Variants in TRMT44 observed in about 807,000 individuals in gnomAD.
TRMT44 encodes the protein probable tRNA (uracil-O(2)-)-methyltransferase.
TRMT44 carries 78 observed loss-of-function variants against 77.3 expected under a neutral mutation model. The ratio of observed to expected loss-of-function variants is 1.01; its 90% CI spans 0.84 to 1.22. The LOEUF (loss-of-function observed/expected upper bound fraction) is 1.22, where lower values mean the gene tolerates loss of function less well. Among genes scored for constraint, TRMT44 ranks in the 50% most tolerant of loss-of-function variants. TRMT44 has a pLI of 0.00. For missense variants in TRMT44, 1,090 were observed against 964.4 expected (o/e 1.13, Z -1.73); for synonymous variants, 391 against 383.3 (o/e 1.02, Z -0.23).
chr4:8,449,961 T>TTTC, intron 3 of TRMT44, 73 bp downstream of exon 3: 3 of 791,762 alleles, frequency 3.8e-6, no homozygotes, highest in South Asian at 2.3e-5. Flanking sequence ...TTTTTTTTTT[T>TTTC]TTTTTTTTTT....
At chr4:8,501,121 G>A in the TRMT44 span, among the ~76,000 whole-genome samples, 24 of 152,232 alleles carry the variant, frequency 1.6e-4, no homozygotes, top group Non-Finnish European at 2.4e-4. The surrounding 1 kb of genome is among the most constrained non-coding windows in gnomAD (Gnocchi z 4.4). Context: ...TCGTGCCACT[G>A]CTCAGTGGAT....
At chr4:8,502,464 G>C in the TRMT44 span, among the ~76,000 whole-genome samples, 3 of 152,232 alleles carry the variant, frequency 2.0e-5, no homozygotes, top group South Asian at 6.2e-4. Context: ...AAGTGTGAGT[G>C]CAGCTTAGCA....
At chr4:8,495,149 G>A (rs1728115371), downstream of TRMT44, among the ~76,000 whole-genome samples, 1 of 152,192 alleles carries the variant, frequency 6.6e-6, no homozygotes. Context: ...TTAGGGTAGG[G>A]AGACTGTTCA....
chr4:8,450,001 C>G (rs551535320), intron 3 of TRMT44, 113 bp downstream of exon 3: 6 of 598,654 alleles, frequency 1.0e-5, no homozygotes, highest in African/African-American at 2.4e-5. Flanking sequence ...GTCACCCCCC[C>G]AAAAAAAAGG....
At chr4:8,472,896 C>T (rs541955271) in intron 10 of TRMT44, among the ~76,000 whole-genome samples, 8 of 152,326 alleles carry the variant, frequency 5.3e-5, no homozygotes, top group African/African-American at 1.9e-4. Flanking sequence ...TCTTTCCCAA[C>T]ACTTGTTTTT....
the TRMT44 span, among the ~76,000 whole-genome samples, chr4:8,504,677 C>T: frequency 6.6e-5 from 10 of 152,174 alleles, no homozygotes; most frequent in Non-Finnish European, 1.3e-4. The surrounding 1 kb of genome is among the most constrained non-coding windows in gnomAD (Gnocchi z 5.3). Flanking sequence ...GAAGAGGGCA[C>T]TGAAGCTTGG....
rs1307102704 is a variant in TRMT44 at position 8,467,960 on chromosome 4, C to CTT, written c.1542_1543dup (p.Ser515PhefsTer19). 6.2e-7 allele frequency: 1 copy of CTT among 1,613,840 alleles called. No homozygotes were observed. Among genetic ancestry groups the CTT allele is most frequent in the Non-Finnish European group, 8.5e-7 (1 of 1,179,794 alleles). On this transcript the variant is annotated frameshift_variant, in exon 9 of 11. Transcript: ENST00000389737. LOFTEE classifies it high-confidence loss of function. The stretch of plus-strand genomic sequence containing the variant: ...AGAACATACCCTTCCTCCAGAGAAG[C>CTT]TTCCGTGGATGAAAAGAGGACTCAG...
the TRMT44 span, among the ~76,000 whole-genome samples, chr4:8,504,591 T>A: frequency 6.6e-6 from 1 of 152,164 alleles, no homozygotes; most frequent in Non-Finnish European, 1.5e-5. The surrounding 1 kb of genome is among the most constrained non-coding windows in gnomAD (Gnocchi z 5.3). Flanking sequence ...GGTGTGGACC[T>A]GCGCCAAGTC....
chr4:8,465,305 G>A (rs539718170), intron 7 of TRMT44, 73 bp from the exon 8 acceptor site: 31 of 1,449,160 alleles, frequency 2.1e-5, no homozygotes, highest in Non-Finnish European at 2.6e-5. Flanking sequence ...ATTGCCGTGT[G>A]GCTTTGTTCC....
the TRMT44 span, among the ~76,000 whole-genome samples, chr4:8,515,072 C>G: frequency 6.6e-6 from 1 of 152,166 alleles, no homozygotes; most frequent in African/African-American, 2.4e-5. Flanking sequence ...CTCAAGTGAT[C>G]GTCCTAACTC....
intron 9 of TRMT44, among the ~76,000 whole-genome samples, chr4:8,469,540 C>T (rs1222401607): frequency 6.6e-6 from 1 of 152,210 alleles, no homozygotes; most frequent in African/African-American, 2.4e-5. Flanking sequence ...ATGACGGGCA[C>T]ACAGATGTCA....
At chr4:8,483,977 G>A (rs1475223592) in intron 2 of TRMT44, among the ~76,000 whole-genome samples, 1 of 152,080 alleles carries the variant, frequency 6.6e-6, no homozygotes, top group East Asian at 1.9e-4. Context: ...GGAAGGGAGG[G>A]GGCCTGAATA....
At chr4:8,468,840 C>T (rs958393954) in intron 9 of TRMT44, among the ~76,000 whole-genome samples, 12 of 152,180 alleles carry the variant, frequency 7.9e-5, no homozygotes, top group African/African-American at 2.7e-4. Context: ...ATTATGTTCT[C>T]AGGTGAGTGG....
downstream of TRMT44, among the ~76,000 whole-genome samples, chr4:8,495,544 A>T (rs1395124064): frequency 6.6e-6 from 1 of 152,240 alleles, no homozygotes; most frequent in African/African-American, 2.4e-5. Flanking sequence ...GGGTCAACTA[A>T]ATACAAAATA....
At chr4:8,510,866 A>G in the TRMT44 span, 6,978 of 152,510 alleles carry the variant, frequency 0.046, 241 homozygotes, top group African/African-American at 0.1. Flanking sequence ...CTGCTACTCC[A>G]CACCCCTCCT....
chr4:8,497,913 G>C (rs951593381), downstream of TRMT44, among the ~76,000 whole-genome samples: 1 of 152,190 alleles, frequency 6.6e-6, no homozygotes, highest in Non-Finnish European at 1.5e-5. Flanking sequence ...TGTGCCACTG[G>C]GGCTGGCGTG....
chr4:8,467,302 G>C (rs1005278087), intron 8 of TRMT44, among the ~76,000 whole-genome samples: 13 of 152,340 alleles, frequency 8.5e-5, no homozygotes, highest in African/African-American at 3.1e-4. Context: ...GCGGCAGCGG[G>C]AAACTAGGAC....
rs1725306767 is a variant in TRMT44 at position 8,449,800 on chromosome 4, A to G, written c.866A>G (p.Asp289Gly). The G allele has an allele frequency of 6.5e-7, 1 of 1,535,924 alleles. No individual in the cohort carries two copies. Among genetic ancestry groups the G allele is most frequent in the South Asian group, 1.2e-5 (1 of 84,062 alleles). ...TGGTCTGTAGAGAACAAGAAGAGTG[A>G]CTTTAAAAGCACCCTTTCCCTCATC... ...AKWSVENKKS[D>G]FKSTLSLISI... Residue 289 changes from aspartate (D) to glycine (G), a missense_variant, in exon 3 of 11, where the codon GAC becomes GGC. Coordinates refer to ENST00000389737, the MANE Select transcript of TRMT44 (RefSeq NM_152544.3).
intron 7 of TRMT44, among the ~76,000 whole-genome samples, chr4:8,464,902 T>C (rs1726423545): frequency 6.6e-6 from 1 of 152,212 alleles, no homozygotes; most frequent in Non-Finnish European, 1.5e-5. Flanking sequence ...AAGGAAATCA[T>C]GTCCTTTGCA....
Sources: allele counts gnomAD v4.1 joint callset (sites outside exome capture counted in the v4.1 genomes callset), GRCh38; gene constraint gnomAD v4.1.1; non-coding constraint Gnocchi (gnomAD v3.1); transcripts MANE v1.5; gene names NCBI Gene and HGNC (gene_info 2026-07-23, HGNC 2026-07-21).